Variants in UNC80 observed in about 807,000 individuals in gnomAD.
The protein encoded by UNC80 is protein unc-80 homolog.
UNC80 carries 164 observed loss-of-function variants against 384.6 expected under a neutral mutation model. The ratio of observed to expected loss-of-function variants is 0.43; its 90% CI spans 0.38 to 0.49. The LOEUF (loss-of-function observed/expected upper bound fraction) is 0.49, where lower values mean the gene tolerates loss of function less well. UNC80 is among the 20% of genes least tolerant of loss of function. The probability of loss-of-function intolerance (pLI) is 0.00; values close to 1 mark genes in which losing one functional copy is unlikely to be tolerated. For missense variants in UNC80, 3,330 were observed against 4,143.0 expected, an observed-to-expected ratio of 0.80 and a Z score of 5.39; for synonymous variants, 1,486 against 1,527.8, an observed-to-expected ratio of 0.97 and a Z score of 0.64.
intron 28 of UNC80, among the ~76,000 whole-genome samples, chr2:209,902,904 CGTGTGTGTGTGTGTGTGTGT>C (rs56102642): frequency 1.4e-5 from 2 of 141,212 alleles, no homozygotes; most frequent in African/African-American, 5.2e-5. Context: ...CCTGTATACA[CGTGTGTGTGTGTGTGTGTGT>C]GTGTGTGTGT....
intron 48 of UNC80, among the ~76,000 whole-genome samples, chr2:209,954,776 A>G (rs1206436050): frequency 4.6e-5 from 7 of 152,200 alleles, no homozygotes; most frequent in Non-Finnish European, 1.5e-5. Context: ...ATGTTATCCT[A>G]CTGCTTGAAT....
At chr2:209,980,763 C>T (rs2093137964) in intron 59 of UNC80, among the ~76,000 whole-genome samples, 1 of 152,098 alleles carries the variant, frequency 6.6e-6, no homozygotes, top group Non-Finnish European at 1.5e-5. Context: ...CAATAAAGAA[C>T]ACCTAACAAA....
intron 7 of UNC80, chr2:209,808,799 C>CGCTACTCAGCGACCT: frequency 1.2e-5 from 4 of 339,288 alleles, no homozygotes; most frequent in Admixed American, 3.9e-5. Flanking sequence ...GTTGCCTCTG[C>CGCTACTCAGCGACCT]CACCATGCCG....
At chr2:209,811,395 C>T (rs768091019) in intron 7 of UNC80, among the ~76,000 whole-genome samples, 2 of 151,900 alleles carry the variant, frequency 1.3e-5, no homozygotes, top group African/African-American at 4.8e-5. Flanking sequence ...AGGATTTGAG[C>T]CAGGGAGTGG....
At chr2:209,902,482 A>G (rs545742876) in intron 28 of UNC80, among the ~76,000 whole-genome samples, 8 of 152,322 alleles carry the variant, frequency 5.3e-5, no homozygotes, top group South Asian at 2.1e-4. Context: ...ATCAAACAGT[A>G]TCACATGCTA....
At chr2:209,884,834 G>A (rs1489175761) in intron 25 of UNC80, among the ~76,000 whole-genome samples, 1 of 152,078 alleles carries the variant, frequency 6.6e-6, no homozygotes, top group Non-Finnish European at 1.5e-5. Flanking sequence ...ACTTATAAGT[G>A]GGAGCTGAAC....
intron 22 of UNC80, among the ~76,000 whole-genome samples, chr2:209,864,333 C>T (rs763400809): frequency 6.6e-6 from 1 of 152,044 alleles, no homozygotes; most frequent in Non-Finnish European, 1.5e-5. Context: ...TTGGGTGGCA[C>T]GAGGAACAGG....
At chr2:209,930,124 A>C (rs996776723) in intron 37 of UNC80, among the ~76,000 whole-genome samples, 153 bp downstream of exon 37, 4 of 152,146 alleles carry the variant, frequency 2.6e-5, no homozygotes. Flanking sequence ...ATGATGAGCA[A>C]TACTTAACTT....
At chr2:209,970,172 T>C (rs2092842923) in intron 53 of UNC80, 1 of 390,946 alleles carries the variant, frequency 2.6e-6, no homozygotes. Flanking sequence ...GGGCTGCCAG[T>C]TGGAGAGTGG....
At chr2:209,844,427 T>A (rs976316811) in intron 21 of UNC80, among the ~76,000 whole-genome samples, 3 of 149,476 alleles carry the variant, frequency 2.0e-5, no homozygotes, top group Non-Finnish European at 4.4e-5. Flanking sequence ...TCTTTCTTTC[T>A]CTTTCTCTTT....
intron 44 of UNC80, among the ~76,000 whole-genome samples, chr2:209,942,212 C>G (rs1257505836): frequency 6.6e-6 from 1 of 152,160 alleles, no homozygotes; most frequent in Non-Finnish European, 1.5e-5. Flanking sequence ...TGAGGTGGAA[C>G]AGTTTCATTC....
chr2:209,864,330 G>A (rs2083555996), intron 22 of UNC80, among the ~76,000 whole-genome samples: 1 of 152,134 alleles, frequency 6.6e-6, no homozygotes. Context: ...TAGTTGGGTG[G>A]CACGAGGAAC....
intron 7 of UNC80, among the ~76,000 whole-genome samples, chr2:209,797,812 C>A (rs948235426): frequency 6.6e-6 from 1 of 152,166 alleles, no homozygotes; most frequent in African/African-American, 2.4e-5. Flanking sequence ...CACAGCCTCA[C>A]CAGCATCTAT....
intron 14 of UNC80, among the ~76,000 whole-genome samples, chr2:209,827,580 TATC>T (rs2080632216): frequency 6.6e-6 from 1 of 152,172 alleles, no homozygotes. Context: ...ATTCCTCTAT[TATC>T]TCCTTCTGTT....
intron 23 of UNC80, among the ~76,000 whole-genome samples, chr2:209,875,962 T>C (rs1437378249): frequency 6.6e-6 from 1 of 152,212 alleles, no homozygotes; most frequent in Non-Finnish European, 1.5e-5. Flanking sequence ...GAGATTTTAA[T>C]GCATCCATCA....
chr2:209,794,649 G>C (rs1006584651), intron 7 of UNC80: 5 of 307,342 alleles, frequency 1.6e-5, no homozygotes, highest in African/African-American at 9.0e-5. Context: ...TTGTGGGAGG[G>C]ACCCAGGGGG....
intron 51 of UNC80, among the ~76,000 whole-genome samples, chr2:209,962,274 A>G (rs1209151360): frequency 1.3e-5 from 2 of 152,132 alleles, no homozygotes; most frequent in African/African-American, 4.8e-5. Flanking sequence ...TTTGAGGAAA[A>G]GGGTCTCCAG....
At chr2:209,788,131 A>G (rs913021401) in intron 5 of UNC80, among the ~76,000 whole-genome samples, 1 of 152,198 alleles carries the variant, frequency 6.6e-6, no homozygotes, top group Non-Finnish European at 1.5e-5. Context: ...AAAACAAAAA[A>G]GTTGGCCGGG....
Position 209,943,850 on chromosome 2 carries a change from C to G in UNC80, c.7050+336C>G, listed in dbSNP as rs371677446. 2.3e-4 allele frequency among the ~76,000 whole-genome samples: 35 copies of G among 152,194 alleles called. No homozygotes were observed. The East Asian group carries it at 5.0e-3, about 22-fold the overall frequency. On this transcript the variant is annotated intron_variant, in intron 45 of 64. Transcript: ENST00000673920. Reference sequence around the variant, plus strand: ...ATTAGGAAAGCTCTCAGTTATTATGCCAGTCCTGGTTACTTTGGGCCAGTT... The same window carrying G: ...ATTAGGAAAGCTCTCAGTTATTATGGCAGTCCTGGTTACTTTGGGCCAGTT...
Sources: gnomAD v4.1 joint callset for allele counts (sites outside exome capture counted in the v4.1 genomes callset) on GRCh38, gnomAD v4.1.1 for gene constraint, MANE v1.5 for transcripts, NCBI Gene and HGNC (gene_info 2026-07-23, HGNC 2026-07-21) for gene names.